BCAS2: variants seen among roughly 807,000 people sequenced by gnomAD.
BCAS2 encodes pre-mRNA-splicing factor SPF27.
BCAS2 carries 34 observed loss-of-function variants against 35.3 expected under a neutral mutation model. The observed-to-expected ratio is 0.96, with a 90% CI of 0.73 to 1.28. BCAS2 has a LOEUF of 1.28. BCAS2 is among the 50% of genes most tolerant of loss of function. The pLI is 0.00. For synonymous variants in BCAS2, 75 were observed against 91.6 expected (o/e 0.82, Z 1.03); for missense variants, 221 against 268.1 (o/e 0.82, Z 1.23).
intron 4 of BCAS2, among the ~76,000 whole-genome samples, chr1:114,571,495 T>C (rs1328254188): frequency 6.6e-6 from 1 of 152,022 alleles, no homozygotes; most frequent in Non-Finnish European, 1.5e-5. Context: ...TAGCTTGGAT[T>C]ACAGGCATAA....
rs1197668726 is a variant in BCAS2 at position 114,575,593 on chromosome 1, T to C, written c.416A>G (p.Asn139Ser). 1 of 1,594,016 alleles carries C rather than the reference T, an allele frequency of 6.3e-7. No individual in the cohort carries two copies. The highest frequency in any genetic ancestry group is 8.5e-7 in the Non-Finnish European group (1 of 1,175,246). ...AGATGAAGAAAAAGGTTCTTACTCA[T>C]TGTATACTTTCCAGGCATTACATCC... is the stretch of plus-strand genomic sequence containing the variant. ...QHGCNAWKVYNENLVHMIEHA... is the reference protein window; with the variant it reads ...QHGCNAWKVYSENLVHMIEHA... Residue 139 changes from asparagine (N) to serine (S), a missense_variant, in exon 4 of 7, where the codon AAT becomes AGT. Asn to Ser is a conservative substitution (Grantham distance 46). Coordinates refer to ENST00000369541, the MANE Select transcript of BCAS2 (RefSeq NM_005872.3).
intron 2 of BCAS2, among the ~76,000 whole-genome samples, chr1:114,579,125 A>T (rs745359038): frequency 2.0e-5 from 3 of 152,114 alleles, no homozygotes; most frequent in African/African-American, 4.8e-5. Flanking sequence ...AAAATACAAA[A>T]ATTAGTTGGG....
rs574684608 is a variant in BCAS2, at chr1:114,567,874, A to G, written c.*256T>C. 2.0e-5 allele frequency: 7 copies of G among 346,120 alleles called. No individual in the cohort carries two copies. The highest frequency in any genetic ancestry group is 1.2e-4 in the African/African-American group (6 of 48,034). 21.4% of individuals were successfully genotyped at this position (346,120 alleles called of 1,614,324 possible). ...GGCTGAAAATTAATTCTATGACACA[A>G]TATTATTCTAAAGTCATCCTTATTT... On this transcript the variant is annotated 3_prime_UTR_variant, in exon 7 of 7. Transcript: ENST00000369541.
chr1:114,570,268 TCA>T (rs61232118), intron 5 of BCAS2, among the ~76,000 whole-genome samples, 196 bp from the exon 6 acceptor site: 17 of 150,474 alleles, frequency 1.1e-4, no homozygotes, highest in African/African-American at 1.7e-4. Flanking sequence ...TTGTGAGAAA[TCA>T]CACACACACA....
chr1:114,581,427 A>C (rs1187024960), intron 1 of BCAS2, 36 bp from the exon 2 acceptor site: 1 of 1,614,046 alleles, frequency 6.2e-7, no homozygotes, highest in East Asian at 2.2e-5. Context: ...TAGAAGTGGC[A>C]AATTGTAACA....
intron 1 of BCAS2, 35 bp from the exon 2 acceptor site, chr1:114,581,426 C>T: frequency 6.2e-7 from 1 of 1,614,018 alleles, no homozygotes; most frequent in South Asian, 1.1e-5. Flanking sequence ...GTAGAAGTGG[C>T]AAATTGTAAC....
At chr1:114,570,808 G>C in intron 4 of BCAS2, 58 bp from the exon 5 acceptor site, 1 of 1,266,430 alleles carries the variant, frequency 7.9e-7, no homozygotes, top group South Asian at 1.3e-5. Context: ...AATTAAAAGT[G>C]AACTTTTTCA....
intron 4 of BCAS2, among the ~76,000 whole-genome samples, chr1:114,574,657 G>A (rs1238878612): frequency 6.6e-6 from 1 of 152,160 alleles, no homozygotes; most frequent in Non-Finnish European, 1.5e-5. Context: ...TCTATCAAGT[G>A]GTGCTCTGCA....
intron 4 of BCAS2, among the ~76,000 whole-genome samples, chr1:114,571,533 C>T (rs1319190166): frequency 6.6e-6 from 1 of 151,790 alleles, no homozygotes; most frequent in Non-Finnish European, 1.5e-5. Context: ...ATTTTCATTA[C>T]TTTTTTGTAG....
chr1:114,573,911 T>C (rs1654702202), intron 4 of BCAS2, among the ~76,000 whole-genome samples: 2 of 152,226 alleles, frequency 1.3e-5, no homozygotes, highest in Admixed American at 1.3e-4. Context: ...TTTCATGGTT[T>C]TGCTTTATTT....
At chr1:114,570,791 T>C (rs756307009) in intron 4 of BCAS2, 41 bp from the exon 5 acceptor site, 8 of 1,353,892 alleles carry the variant, frequency 5.9e-6, no homozygotes, top group Admixed American at 4.3e-5. Flanking sequence ...TACATTAAAA[T>C]AGTACCAATT....
chr1:114,569,905 C>T, intron 6 of BCAS2, 87 bp downstream of exon 6: 1 of 996,472 alleles, frequency 1.0e-6, no homozygotes, highest in East Asian at 2.5e-5. Context: ...TGTGGCATCC[C>T]ATTTGAATGC....
chr1:114,568,044 A>C lies in BCAS2; in HGVS notation c.*86T>G, dbSNP rs1654560745. 2.0e-6 allele frequency: 3 copies of C among 1,534,532 alleles called. No homozygotes were observed. The highest frequency in any genetic ancestry group is 2.7e-6 in the Non-Finnish European group (3 of 1,119,722). On this transcript the variant is annotated 3_prime_UTR_variant, in exon 7 of 7. Coordinates refer to ENST00000369541, the MANE Select transcript of BCAS2 (RefSeq NM_005872.3). ...CACTTAAACATCAATGGTTTTGGGA[A>C]GATGCTGTTGTCCTTCAAAGTTCAT...
In BCAS2 at chr1:114,575,641, T is replaced by G. The variant is rs1183589732; in HGVS notation, c.368A>C (p.Asn123Thr). 6.2e-7 allele frequency: 1 copy of G among 1,612,432 alleles called. No individual in the cohort carries two copies. Among genetic ancestry groups the G allele is most frequent in the Admixed American group, 1.7e-5 (1 of 59,924 alleles). ...TCCATGCTGTGACATTAGTTCCAGA[T>G]TCTCAATTCTAACTGCTTGATGCTC... Reference protein sequence around the residue: ...QLEHQAVRIENLELMSQHGCN... With the variant: ...QLEHQAVRIETLELMSQHGCN... The change falls in exon 4 of 7, where the codon AAT (asparagine) becomes ACT (threonine). Residue 123 changes from asparagine to threonine, a missense_variant. Transcript: ENST00000369541.
chr1:114,578,232 C>T (rs1570741596), intron 2 of BCAS2, among the ~76,000 whole-genome samples: 1 of 151,598 alleles, frequency 6.6e-6, no homozygotes, highest in Non-Finnish European at 1.5e-5. Flanking sequence ...AAACAAAAAA[C>T]AAAAAATTTC....
chr1:114,569,355 G>A (rs1167302665), intron 6 of BCAS2, among the ~76,000 whole-genome samples: 1 of 151,914 alleles, frequency 6.6e-6, no homozygotes, highest in Non-Finnish European at 1.5e-5. Context: ...AAGGAAGAGA[G>A]AAATGACACA....
At chr1:114,575,186 CTTT>C (rs71090790) in intron 4 of BCAS2, among the ~76,000 whole-genome samples, 6 of 79,300 alleles carry the variant, frequency 7.6e-5, no homozygotes, top group Non-Finnish European at 9.9e-5. Flanking sequence ...TTTTTCTTTT[CTTT>C]TTTTTTTTTT....
intron 3 of BCAS2, 40 bp from the exon 4 acceptor site, chr1:114,575,791 T>C (rs1308038856): frequency 6.3e-7 from 1 of 1,596,224 alleles, no homozygotes; most frequent in Admixed American, 1.8e-5. Context: ...CCATCTATAC[T>C]GCCAAGCCTT....
chr1:114,572,172 C>T (rs1433170341), intron 4 of BCAS2, among the ~76,000 whole-genome samples: 6 of 152,208 alleles, frequency 3.9e-5, no homozygotes, highest in Non-Finnish European at 8.8e-5. Context: ...TTCTGTTGCT[C>T]ACCTGAGTTA....
Sources: gnomAD v4.1 joint callset for allele counts (sites outside exome capture counted in the v4.1 genomes callset) on GRCh38, gnomAD v4.1.1 for gene constraint, MANE v1.5 for transcripts, NCBI Gene and HGNC (gene_info 2026-07-23, HGNC 2026-07-21) for gene names.